The following ZFHX3 variants were observed in gnomAD, a reference collection of about 807,000 sequenced individuals.
The protein encoded by ZFHX3 is zinc finger homeobox protein 3.
ZFHX3 carries 42 observed loss-of-function variants against 279.1 expected under a neutral mutation model. The ratio of observed to expected loss-of-function variants is 0.15; its 90% CI spans 0.12 to 0.19. The LOEUF is 0.19. Ranked by LOEUF, ZFHX3 falls within the 10% of genes least tolerant of loss-of-function variation. ZFHX3 has a pLI of 1.00. For synonymous variants in ZFHX3, 2,293 were observed against 1,957.8 expected (o/e 1.17, Z -4.52); for missense variants, 4,981 against 4,754.0 (o/e 1.05, Z -1.40).
intron 1 of ZFHX3, among the ~76,000 whole-genome samples, chr16:73,888,717 T>G (rs1260042869): frequency 1.3e-5 from 2 of 152,132 alleles, no homozygotes; most frequent in African/African-American, 4.8e-5. Context: ...AAGAAGATAC[T>G]TCTGTGGGCA....
intron 3 of ZFHX3, among the ~76,000 whole-genome samples, chr16:72,925,836 T>C (rs1959422128): frequency 6.6e-6 from 1 of 152,144 alleles, no homozygotes; most frequent in South Asian, 2.1e-4. Context: ...AGCTTTTACG[T>C]CCTCTTGAAG....
intron 5 of ZFHX3, among the ~76,000 whole-genome samples, chr16:73,203,184 G>C (rs907616728): frequency 6.6e-6 from 1 of 152,104 alleles, no homozygotes; most frequent in African/African-American, 2.4e-5. Flanking sequence ...GCCTGGAATG[G>C]CCTTGAGGGT....
intron 2 of ZFHX3, among the ~76,000 whole-genome samples, chr16:73,510,585 G>A (rs985245522): frequency 1.3e-5 from 2 of 152,218 alleles, no homozygotes; most frequent in South Asian, 2.1e-4. Context: ...AATTACGTAG[G>A]GTCACCATGT....
chr16:72,959,738 C>T lies in ZFHX3; in HGVS notation c.408G>A (p.Gln136=). 6.2e-7 allele frequency: 1 copy of T among 1,612,314 alleles called. No individual in the cohort carries two copies. Residue 136 remains glutamine (Q), a synonymous_variant, in exon 2 of 10, where the codon CAG becomes CAA. Coordinates refer to ENST00000268489, the MANE Select transcript of ZFHX3 (RefSeq NM_006885.4). ...VENLAGEIVY[Q]PDGSAYIVES... is the part of the protein sequence containing the mutation. The stretch of plus-strand genomic sequence containing the variant: ...CCACAATGTACGCGGAGCCGTCCGG[C>T]TGGTAGACGATCTCCCCGGCCAGGT...
At chr16:73,824,381 C>CTT (rs770822715) in intron 1 of ZFHX3, among the ~76,000 whole-genome samples, 3 of 112,150 alleles carry the variant, frequency 2.7e-5, no homozygotes, top group African/African-American at 9.4e-5. Context: ...CAAATAATTT[C>CTT]TTTTTTTTTT....
chr16:73,385,535 A>C (rs1178254601), intron 3 of ZFHX3, among the ~76,000 whole-genome samples: 1 of 152,152 alleles, frequency 6.6e-6, no homozygotes, highest in Non-Finnish European at 1.5e-5. Context: ...TTTCAAGAAA[A>C]AGGATCCTGG....
At chr16:73,502,316 G>T (rs940075877) in intron 2 of ZFHX3, among the ~76,000 whole-genome samples, 2 of 152,226 alleles carry the variant, frequency 1.3e-5, no homozygotes, top group African/African-American at 2.4e-5. Context: ...ATGATTAAAG[G>T]TATTGGTTAA....
intron 1 of ZFHX3, 133 bp downstream of exon 1, chr16:73,047,619 T>C (rs921601495): frequency 3.3e-5 from 5 of 152,440 alleles, no homozygotes; most frequent in Middle Eastern, 3.4e-3. Context: ...GCAACTGGAG[T>C]CTGGGAGTTC....
At chr16:73,292,615 T>C (rs9921712) in intron 4 of ZFHX3, among the ~76,000 whole-genome samples, 2,864 of 152,308 alleles carry the variant, frequency 0.019, 60 homozygotes, top group African/African-American at 0.051. Context: ...AACATTTTCC[T>C]GAAGCTTCTA....
At chr16:73,176,882 C>T (rs1967678489) in intron 5 of ZFHX3, among the ~76,000 whole-genome samples, 1 of 151,956 alleles carries the variant, frequency 6.6e-6, no homozygotes, top group South Asian at 2.1e-4. Context: ...TTTTCATCCA[C>T]AGAATAAGCA....
chr16:73,472,673 T>C (rs1394779815), intron 2 of ZFHX3, among the ~76,000 whole-genome samples: 1 of 152,200 alleles, frequency 6.6e-6, no homozygotes, highest in Admixed American at 6.5e-5. Flanking sequence ...TTTGCTTGTC[T>C]TCAGCTGGGT....
chr16:72,865,883 C>T (rs1385326719), intron 4 of ZFHX3, among the ~76,000 whole-genome samples: 1 of 152,182 alleles, frequency 6.6e-6, no homozygotes, highest in Non-Finnish European at 1.5e-5. Context: ...TAGGGCTCCC[C>T]TTGCCCTACA....
chr16:72,797,928 G>C lies in ZFHX3; in HGVS notation c.4754C>G (p.Pro1585Arg). The stretch of plus-strand genomic sequence containing the variant: ...GTTGTCTGGGCTGCTGGTGGGTTCT[G>C]GCTGACCGGTTGCTGATTCTTGAAG... ...RALQESATGQPEPTSSPDNKP... is the reference protein window; with the variant it reads ...RALQESATGQREPTSSPDNKP... The change falls in exon 9 of 10, where the codon CCA becomes CGA. Residue 1585 changes from proline (P) to arginine (R), a missense_variant. Physicochemically the swap from Pro to Arg is moderately radical, Grantham distance 103. Around this residue, in one of 7 missense-constraint regions of ZFHX3, gnomAD observed 1,751 missense variants for 1,770.0 expected, o/e 0.99. Coordinates refer to ENST00000268489, the MANE Select transcript of ZFHX3 (RefSeq NM_006885.4). 6.2e-7 allele frequency: 1 copy of C among 1,614,174 alleles called. No individual in the cohort carries two copies.
At chr16:73,721,643 G>A (rs2053474787) in intron 1 of ZFHX3, among the ~76,000 whole-genome samples, 1 of 152,204 alleles carries the variant, frequency 6.6e-6, no homozygotes, top group Admixed American at 6.5e-5. Flanking sequence ...TGCAGGCAAG[G>A]AAGCGATGTT....
chr16:73,438,947 C>A (rs1318922795), intron 3 of ZFHX3, among the ~76,000 whole-genome samples: 1 of 152,184 alleles, frequency 6.6e-6, no homozygotes, highest in Non-Finnish European at 1.5e-5. Context: ...GTGAAGCCAG[C>A]AGTTCCCATT....
intron 4 of ZFHX3, among the ~76,000 whole-genome samples, chr16:72,861,116 T>A (rs2037879414): frequency 6.6e-6 from 1 of 152,222 alleles, no homozygotes; most frequent in African/African-American, 2.4e-5. Flanking sequence ...CAGACACCTG[T>A]GTCCCCTGTG....
intron 1 of ZFHX3, among the ~76,000 whole-genome samples, chr16:73,849,707 C>T (rs371738314): frequency 2.0e-5 from 3 of 152,310 alleles, no homozygotes; most frequent in African/African-American, 7.2e-5. Flanking sequence ...GAAATCTGAG[C>T]TGTTGCCTTC....
At chr16:73,458,251 C>A (rs1002938505) in intron 2 of ZFHX3, among the ~76,000 whole-genome samples, 45 of 152,162 alleles carry the variant, frequency 3.0e-4, no homozygotes, top group Middle Eastern at 3.4e-3. Flanking sequence ...AAGTAGAATT[C>A]TTTTTTCTTT....
At chr16:73,197,924 G>GTTTTTTTTTTTTTTTTT (rs71156148) in intron 5 of ZFHX3, among the ~76,000 whole-genome samples, 1 of 53,782 alleles carries the variant, frequency 1.9e-5, no homozygotes, top group Non-Finnish European at 3.3e-5. Flanking sequence ...TGATTTGGTG[G>GTTTTTTTTTTTTTTTTT]TTTTTTTTTT....
Sources: gnomAD v4.1 joint callset for allele counts (sites outside exome capture counted in the v4.1 genomes callset) on GRCh38, gnomAD v4.1.1 for gene constraint, gnomAD v4.1.1 regional missense constraint, MANE v1.5 for transcripts, NCBI Gene and HGNC (gene_info 2026-07-23, HGNC 2026-07-21) for gene names.